The following ARHGEF10 variants were observed in gnomAD, a reference collection of about 807,000 sequenced individuals.
ARHGEF10 encodes the protein Rho guanine nucleotide exchange factor 10.
A neutral mutation model predicts 147.4 loss-of-function variants in ARHGEF10; 140 were observed. That is an observed-to-expected ratio of 0.95 (90% CI 0.83 to 1.09). The LOEUF (loss-of-function observed/expected upper bound fraction) is 1.09. ARHGEF10 is among the 50% of genes least tolerant of loss of function. ARHGEF10 has a pLI of 0.00. For synonymous variants in ARHGEF10, 902 were observed against 695.8 expected (o/e 1.30, Z -4.67); for missense variants, 2,222 against 1,752.7 (o/e 1.27, Z -4.78).
At chr8:1,954,958 C>CA (rs1815364421) in intron 28 of ARHGEF10, among the ~76,000 whole-genome samples, 1 of 149,260 alleles carries the variant, frequency 6.7e-6, no homozygotes. Flanking sequence ...TAGCCAGGTG[C>CA]TCCCTGAAAG....
At position 1,866,614 on chromosome 8, in the gene ARHGEF10, A is replaced by G. The variant is rs2129088136; in HGVS notation, c.622+12A>G. 3 of 1,602,540 alleles carry G rather than the reference A, an allele frequency of 1.9e-6. No homozygotes were observed. Among genetic ancestry groups the G allele is most frequent in the South Asian group, 1.1e-5 (1 of 91,072 alleles). Reference sequence around the variant, plus strand: ...AGCCTGGATGGAGAGTAAGTTCCCCAGCTGCCCACAGCCAGAATCCTCACC... The same window carrying G: ...AGCCTGGATGGAGAGTAAGTTCCCCGGCTGCCCACAGCCAGAATCCTCACC... On this transcript the variant is annotated intron_variant, in intron 6 of 28. Coordinates refer to ENST00000349830, the MANE Select transcript of ARHGEF10 (RefSeq NM_014629.4).
At chr8:1,930,622 G>T (rs977960205) in intron 25 of ARHGEF10, among the ~76,000 whole-genome samples, 1 of 152,080 alleles carries the variant, frequency 6.6e-6, no homozygotes, top group African/African-American at 2.4e-5. Context: ...TCTGCTCTGA[G>T]TGCTGCTATT....
chr8:1,824,980 C>A, intron 1 of ARHGEF10, among the ~76,000 whole-genome samples: 1 of 73,986 alleles, frequency 1.4e-5, no homozygotes, highest in Non-Finnish European at 2.7e-5. Context: ...CCCCTCGCAC[C>A]CCACCTGTCC....
At chr8:1,926,121 A>C (rs1000643734) in intron 22 of ARHGEF10, among the ~76,000 whole-genome samples, 9 of 152,168 alleles carry the variant, frequency 5.9e-5, no homozygotes, top group African/African-American at 2.2e-4. Flanking sequence ...GAGCTGCCGG[A>C]TTTCAGTGTG....
At chr8:1,837,845 G>A (rs1040409163) in intron 1 of ARHGEF10, among the ~76,000 whole-genome samples, 4 of 152,184 alleles carry the variant, frequency 2.6e-5, no homozygotes, top group African/African-American at 7.2e-5. Context: ...TTCTTCAGCA[G>A]TTGAGAAACT....
intron 27 of ARHGEF10, among the ~76,000 whole-genome samples, chr8:1,950,210 C>G (rs989297924): frequency 6.6e-6 from 1 of 152,206 alleles, no homozygotes; most frequent in South Asian, 2.1e-4. Flanking sequence ...CTCCAACTCC[C>G]GGGACCCAGC....
At chr8:1,828,098 C>A (rs1248741519) in intron 1 of ARHGEF10, among the ~76,000 whole-genome samples, 1 of 152,214 alleles carries the variant, frequency 6.6e-6, no homozygotes, top group Non-Finnish European at 1.5e-5. Flanking sequence ...GGTACCTCAA[C>A]ACTCTGCCTC....
At position 1,905,618 on chromosome 8, in the gene ARHGEF10, A is replaced by G. The variant is rs773416585; in HGVS notation, c.1869A>G (p.Ile623Met). 16 of 1,614,234 alleles carry G rather than the reference A, an allele frequency of 9.9e-6. No individual in the cohort carries two copies. Among genetic ancestry groups the G allele is most frequent in the Non-Finnish European group, 1.3e-5 (15 of 1,180,038 alleles). The part of the protein sequence containing the change: ...SRYLIRSDDM[I>M]ETVYNDRGEI... ...ACCTCATTCGATCAGATGATATGAT[A>G]GAAACAGTTTACAACGACAGAGGAG... Residue 623 changes from isoleucine (I) to methionine (M), a missense_variant, in exon 17 of 29, where the codon ATA becomes ATG. Ile to Met is a conservative substitution (Grantham distance 10). Transcript: ENST00000349830.
chr8:1,888,149 TGGGGCGAGG>T, intron 11 of ARHGEF10, among the ~76,000 whole-genome samples: 1 of 90,344 alleles, frequency 1.1e-5, no homozygotes, highest in African/African-American at 4.3e-5. Context: ...AGACACTTAG[TGGGGCGAGG>T]GTTGCGAGGA....
chr8:1,829,103 C>T lies in ARHGEF10; in HGVS notation c.-48+4990C>T, dbSNP rs1585194858. ...CACACCTGGGGGGCGGCCAACCAGC[C>T]CGGCCAGGCCGAGCGCTCCCCGCCT... On this transcript the variant is annotated intron_variant, in intron 1 of 28. Transcript: ENST00000349830. Among the ~76,000 whole-genome samples, 3 of 152,236 alleles carry T rather than the reference C, an allele frequency of 2.0e-5. No homozygotes were observed. In the South Asian group the frequency reaches 6.2e-4, roughly 31 times the overall value.
intron 17 of ARHGEF10, among the ~76,000 whole-genome samples, chr8:1,906,280 C>T (rs1310492172): frequency 6.6e-6 from 1 of 152,164 alleles, no homozygotes; most frequent in Non-Finnish European, 1.5e-5. Context: ...TATAACACTC[C>T]TGGTGCTGTA....
intron 26 of ARHGEF10, among the ~76,000 whole-genome samples, chr8:1,935,921 C>G (rs1188705056): frequency 1.3e-5 from 2 of 152,226 alleles, no homozygotes; most frequent in African/African-American, 4.8e-5. Context: ...TGTCCGAGCT[C>G]ACTCCGAGGG....
intron 1 of ARHGEF10, among the ~76,000 whole-genome samples, chr8:1,836,926 C>T (rs564006089): frequency 1.2e-4 from 19 of 152,270 alleles, no homozygotes; most frequent in African/African-American, 1.9e-4. Flanking sequence ...CTCTTGCCGC[C>T]GCCACGTAAG....
At chr8:1,952,609 G>T (rs1416205396) in intron 27 of ARHGEF10, 96 bp from the exon 28 acceptor site, 17 of 1,526,012 alleles carry the variant, frequency 1.1e-5, no homozygotes, top group South Asian at 2.3e-5. Context: ...TTTGGTGGTG[G>T]CACGACAGGC....
In ARHGEF10 at chr8:1,876,640, G is replaced by T. The variant is rs201446751; in HGVS notation, c.749G>T (p.Ser250Ile). The T allele has an allele frequency of 1.2e-6, 2 of 1,614,252 alleles. No homozygotes were observed. Among genetic ancestry groups the T allele is most frequent in the Non-Finnish European group, 1.7e-6 (2 of 1,180,044 alleles). Residue 250 changes from serine (S) to isoleucine (I), a missense_variant, in exon 8 of 29, where the codon AGT becomes ATT. Coordinates refer to ENST00000349830, the MANE Select transcript of ARHGEF10 (RefSeq NM_014629.4). The stretch of plus-strand genomic sequence containing the variant: ...AACAGCTCCTTGGAATACGGATGGA[G>T]TTCGAGTGAATTTGAAAGTTACGAA... ...GGNSSLEYGW[S>I]SSEFESYEEQ...
intron 2 of ARHGEF10, among the ~76,000 whole-genome samples, chr8:1,852,288 G>A (rs773752959): frequency 0.016 from 1,062 of 66,314 alleles, 1 homozygote; most frequent in Non-Finnish European, 0.026. Flanking sequence ...CCATCATCCT[G>A]GAGAGGACCG....
At chr8:1,956,036 C>G (rs1213695839) in intron 28 of ARHGEF10, among the ~76,000 whole-genome samples, 1 of 152,216 alleles carries the variant, frequency 6.6e-6, no homozygotes, top group Non-Finnish European at 1.5e-5. Flanking sequence ...GGGCCTGTTT[C>G]ATCTGAAAGC....
intron 25 of ARHGEF10, among the ~76,000 whole-genome samples, chr8:1,931,496 G>T (rs1191996424): frequency 6.6e-6 from 1 of 152,198 alleles, no homozygotes; most frequent in African/African-American, 2.4e-5. Flanking sequence ...CTGTAACTGA[G>T]ATCTGCTGAA....
intron 27 of ARHGEF10, among the ~76,000 whole-genome samples, chr8:1,947,428 G>T (rs1814682959): frequency 6.6e-6 from 1 of 152,148 alleles, no homozygotes; most frequent in African/African-American, 2.4e-5. Flanking sequence ...TCCCTCTCCG[G>T]GTGGGATCAG....
Sources: allele counts gnomAD v4.1 joint callset (sites outside exome capture counted in the v4.1 genomes callset), GRCh38; gene constraint gnomAD v4.1.1; transcripts MANE v1.5; gene names NCBI Gene and HGNC (gene_info 2026-07-23, HGNC 2026-07-21).